The following ACOT1 variants were observed in gnomAD, a reference collection of about 807,000 sequenced individuals.
ACOT1 encodes acyl-CoA thioesterase 1, also known as acyl-coenzyme A thioesterase 1.
In ACOT1, 8 loss-of-function variants were observed where a neutral mutation model predicts 15.7. The observed-to-expected ratio is 0.51, with a 90% confidence interval of 0.30 to 0.92. The LOEUF is 0.92. Ranked by LOEUF, ACOT1 falls within the 40% of genes least tolerant of loss-of-function variation. ACOT1 has a pLI of 0.06. For synonymous variants in ACOT1, 67 were observed against 241.2 expected (o/e 0.28, Z 6.69); for missense variants, 151 against 539.4 (o/e 0.28, Z 7.13).
At chr14:73,509,872 A>AT in the ACOT1 span, among the ~76,000 whole-genome samples, 1 of 71,750 alleles carries the variant, frequency 1.4e-5, no homozygotes, top group Non-Finnish European at 3.1e-5. Context: ...ATATATATTT[A>AT]TTTATTTTAT....
the ACOT1 span, among the ~76,000 whole-genome samples, chr14:73,505,890 C>CTTTTTTTTT: frequency 8.8e-6 from 1 of 113,322 alleles, no homozygotes; most frequent in Non-Finnish European, 1.8e-5. Context: ...ATAAACGTTT[C>CTTTTTTTTT]TTTTTTTTTT....
At chr14:73,539,420 A>T (rs1298055152) in intron 1 of ACOT1, 2 of 126,028 alleles carry the variant, frequency 1.6e-5, no homozygotes, top group African/African-American at 5.6e-5. Flanking sequence ...TTCACTCCAC[A>T]AGCTGGGACT....
At chr14:73,491,813 C>G in the ACOT1 span, 2 of 1,602,010 alleles carry the variant, frequency 1.2e-6, no homozygotes, top group Non-Finnish European at 1.7e-6. Flanking sequence ...GGACGCCGCT[C>G]GCTACATCAA....
At chr14:73,514,443 A>T in the ACOT1 span, among the ~76,000 whole-genome samples, 1 of 152,128 alleles carries the variant, frequency 6.6e-6, no homozygotes, top group Non-Finnish European at 1.5e-5. Flanking sequence ...GTAAGCCATG[A>T]TGATGATGGG....
chr14:73,490,991 G>A, the ACOT1 span: 3 of 1,345,772 alleles, frequency 2.2e-6, no homozygotes, highest in Non-Finnish European at 2.9e-6. Flanking sequence ...CGGCCGGCCG[G>A]GCGGGGAAGA....
At chr14:73,526,090 C>G in the ACOT1 span, among the ~76,000 whole-genome samples, 1 of 152,192 alleles carries the variant, frequency 6.6e-6, no homozygotes, top group Non-Finnish European at 1.5e-5. Context: ...GCCCCCCTCC[C>G]TCACCTCTGG....
the ACOT1 span, chr14:73,523,353 A>G: frequency 1.8e-6 from 1 of 557,292 alleles, no homozygotes; most frequent in Non-Finnish European, 3.1e-6. Flanking sequence ...TGTGAGTTAG[A>G]AGAACAAAAG....
At chr14:73,530,631 T>C in the ACOT1 span, 1 of 120,948 alleles carries the variant, frequency 8.3e-6, no homozygotes, top group African/African-American at 2.7e-5. Flanking sequence ...CCTGGTCTAA[T>C]GCCTTGATTT....
chr14:73,526,868 C>T, the ACOT1 span, among the ~76,000 whole-genome samples: 2 of 152,244 alleles, frequency 1.3e-5, no homozygotes, highest in African/African-American at 4.8e-5. Flanking sequence ...TGACCCAGTG[C>T]ACTGCCATCT....
chr14:73,511,169 A>C, the ACOT1 span, among the ~76,000 whole-genome samples: 4 of 152,130 alleles, frequency 2.6e-5, no homozygotes, highest in Non-Finnish European at 5.9e-5. Flanking sequence ...TGAAGCTCAG[A>C]GAGGTTAGCT....
At chr14:73,511,560 TAAA>T in the ACOT1 span, among the ~76,000 whole-genome samples, 1 of 88,966 alleles carries the variant, frequency 1.1e-5, no homozygotes, top group Admixed American at 1.1e-4. Context: ...AATAAATAAA[TAAA>T]TAAAATAAAA....
the ACOT1 span, chr14:73,499,115 A>C: frequency 1.9e-6 from 3 of 1,614,114 alleles, no homozygotes; most frequent in Non-Finnish European, 2.5e-6. Context: ...ATCTCTCTGC[A>C]TCAGGTTCAG....
the ACOT1 span, chr14:73,500,862 G>T: frequency 1.3e-6 from 1 of 762,000 alleles, no homozygotes; most frequent in Non-Finnish European, 2.1e-6. Context: ...ATGCTCATGA[G>T]ATAAGTTTTA....
chr14:73,501,569 CTTTTTTTT>C, the ACOT1 span, among the ~76,000 whole-genome samples: 1 of 108,154 alleles, frequency 9.2e-6, no homozygotes, highest in African/African-American at 3.5e-5. Flanking sequence ...GTCTCTCTCT[CTTTTTTTT>C]TTTTTTTTTT....
the ACOT1 span, among the ~76,000 whole-genome samples, chr14:73,516,896 G>A: frequency 1.1e-4 from 16 of 152,258 alleles, no homozygotes; most frequent in East Asian, 1.7e-3. Context: ...TCCCCACCCC[G>A]CTGGTCTGTG....
At chr14:73,517,184 C>A in the ACOT1 span, 55 of 152,286 alleles carry the variant, frequency 3.6e-4, no homozygotes, top group African/African-American at 1.3e-3. Context: ...ATCAGCCTCG[C>A]GAGTGGCTGG....
the ACOT1 span, chr14:73,512,236 T>C: frequency 6.9e-7 from 1 of 1,452,090 alleles, no homozygotes; most frequent in Non-Finnish European, 9.4e-7. Context: ...AGTCTGCCCT[T>C]CACCCAGAAT....
the ACOT1 span, among the ~76,000 whole-genome samples, chr14:73,528,344 A>G: frequency 1.8e-4 from 25 of 140,606 alleles, no homozygotes; most frequent in Middle Eastern, 3.5e-3. Flanking sequence ...GTGAGCCAAG[A>G]TCGCGCCACT....
chr14:73,507,650 G>A, the ACOT1 span, among the ~76,000 whole-genome samples: 2 of 151,958 alleles, frequency 1.3e-5, no homozygotes, highest in East Asian at 3.9e-4. Flanking sequence ...TGCCCAGGCT[G>A]GTCTTGAAAT....
Sources: gnomAD v4.1 joint callset for allele counts (sites outside exome capture counted in the v4.1 genomes callset) on GRCh38, gnomAD v4.1.1 for gene constraint, MANE v1.5 for transcripts, NCBI Gene and HGNC (gene_info 2026-07-23, HGNC 2026-07-21) for gene names.